SBNO2: variants seen among roughly 807,000 people sequenced by gnomAD.
SBNO2 encodes the protein protein strawberry notch homolog 2.
A neutral mutation model predicts 146.3 loss-of-function variants in SBNO2; 89 were observed. The ratio of observed to expected loss-of-function variants is 0.61; its 90% CI spans 0.51 to 0.73. SBNO2 has a LOEUF of 0.73. Among genes scored for constraint, SBNO2 ranks in the 30% least tolerant of loss-of-function variants. The pLI is 0.00. For missense variants in SBNO2, 2,092 were observed against 2,003.7 expected (o/e 1.04, Z -0.84); for synonymous variants, 1,147 against 892.6 (o/e 1.29, Z -5.08).
At position 1,117,510 on chromosome 19, in the gene SBNO2, A is replaced by C; in HGVS notation, c.1528-11T>G. 5 of 1,567,992 alleles carry C rather than the reference A, an allele frequency of 3.2e-6. No individual in the cohort carries two copies. The highest frequency in any genetic ancestry group is 4.3e-6 in the Non-Finnish European group (5 of 1,158,178). On this transcript the variant is annotated splice_polypyrimidine_tract_variant and intron_variant, in intron 14 of 31. Transcript: ENST00000361757. ...CAGGGCCTCGGCCCACTGCAATGAC[A>C]CGTCACAAGGCGCCCCTGAGCTGTG...
At chr19:1,132,240 G>A in intron 4 of SBNO2, 4 of 1,303,064 alleles carry the variant, frequency 3.1e-6, no homozygotes, top group Middle Eastern at 4.8e-4. Context: ...CGGGGCGGAC[G>A]GGGGCGGCTC....
chr19:1,112,293 G>A lies in SBNO2; in HGVS notation c.2524C>T (p.His842Tyr), dbSNP rs1214105340. The A allele has an allele frequency of 6.3e-7, 1 of 1,584,684 alleles. No individual in the cohort carries two copies. The highest frequency in any genetic ancestry group is 8.6e-7 in the Non-Finnish European group (1 of 1,166,466). ...DRAIQQFGRT[H>Y]RSNQVSAPEY... ...GGCGCGGAGACCTGGTTGGACCGGTGGGTGCGGCCTGGGGGCAGAGCTGCT... is the reference window on the plus strand; with the variant it reads ...GGCGCGGAGACCTGGTTGGACCGGTAGGTGCGGCCTGGGGGCAGAGCTGCT... Residue 842 changes from histidine to tyrosine, a missense_variant, in exon 22 of 32, where the codon CAC becomes TAC. His to Tyr is a moderately conservative substitution (Grantham distance 83). Transcript: ENST00000361757. The surrounding 1 kb of genome is among the most constrained non-coding windows in gnomAD (Gnocchi z 5.9).
chr19:1,147,457 T>C, intron 3 of SBNO2, 37 bp from the exon 4 acceptor site: 1 of 991,420 alleles, frequency 1.0e-6, no homozygotes, highest in Non-Finnish European at 1.4e-6. Flanking sequence ...TGAGATGGGG[T>C]GCTCAACCCA....
At chr19:1,117,201 C>G in intron 15 of SBNO2, 122 bp downstream of exon 15, 1 of 1,048,846 alleles carries the variant, frequency 9.5e-7, no homozygotes, top group East Asian at 2.6e-5. Flanking sequence ...GGGCGTCTCT[C>G]ACCCACCAGG....
chr19:1,115,986 C>CTGGGGGGG, intron 17 of SBNO2, 35 bp downstream of exon 17: 1 of 999,286 alleles, frequency 1.0e-6, no homozygotes, highest in Non-Finnish European at 1.2e-6. Flanking sequence ...AGCAGAGGGG[C>CTGGGGGGG]AGGGGTGGGT....
At chr19:1,145,189 G>A (rs140208049) in intron 4 of SBNO2, among the ~76,000 whole-genome samples, 157 of 151,906 alleles carry the variant, frequency 1.0e-3, no homozygotes, top group African/African-American at 3.3e-3. Context: ...GAGACAGGCC[G>A]GGCACGGTGG....
chr19:1,112,234 C>T lies in SBNO2; in HGVS notation c.2583G>A (p.Gly861=). ...EYVFLISELA[G]ERRFASIVAK... Reference sequence around the variant, plus strand: ...CCACGATGGAGGCGAACCGGCGCTCCCCGGCCAGCTCCGAGATGAGGAAGA... The same window carrying T: ...CCACGATGGAGGCGAACCGGCGCTCTCCGGCCAGCTCCGAGATGAGGAAGA... The change falls in exon 22 of 32, where the codon GGG becomes GGA. Residue 861 remains glycine, a synonymous_variant. Transcript: ENST00000361757. This position sits in a 1 kb window ranked among gnomAD's most constrained non-coding sequence, Gnocchi z 5.9. 6.3e-7 allele frequency: 1 copy of T among 1,591,630 alleles called. No homozygotes were observed. Among genetic ancestry groups the T allele is most frequent in the Non-Finnish European group, 8.6e-7 (1 of 1,169,532 alleles).
At chr19:1,156,135 G>A (rs561450841) in intron 1 of SBNO2, among the ~76,000 whole-genome samples, 2 of 152,232 alleles carry the variant, frequency 1.3e-5, no homozygotes, top group Non-Finnish European at 2.9e-5. Context: ...AGCAGCAGGG[G>A]CCCTGAGCTC....
rs1472756635 is a variant in SBNO2, at chr19:1,126,104, C to T, written c.441+1500G>A. 1.3e-5 allele frequency among the ~76,000 whole-genome samples: 2 copies of T among 152,164 alleles called. No individual in the cohort carries two copies. Among genetic ancestry groups the T allele is most frequent in the East Asian group, 1.9e-4 (1 of 5,196 alleles). ...GTTTCCGCCCAAGCCTGCCTGAGCC[C>T]GGGCCGGGTTCTCGGCAGTGTGTGG... is the stretch of plus-strand genomic sequence containing the variant. On this transcript the variant is annotated intron_variant, in intron 5 of 31. Transcript: ENST00000361757. This position sits in a 1 kb window ranked among gnomAD's most constrained non-coding sequence, Gnocchi z 4.4.
chr19:1,128,915 G>A (rs1187559657), intron 4 of SBNO2, among the ~76,000 whole-genome samples: 1 of 150,734 alleles, frequency 6.6e-6, no homozygotes, highest in Non-Finnish European at 1.5e-5. Context: ...GCTGCAGTGA[G>A]CTGTTACTGC....
chr19:1,172,846 C>T (rs2080494005), intron 1 of SBNO2, among the ~76,000 whole-genome samples: 1 of 150,298 alleles, frequency 6.7e-6, no homozygotes, highest in Non-Finnish European at 1.5e-5. Context: ...GGCACTCTCG[C>T]TGACAGGGCG....
Position 1,112,853 on chromosome 19 carries a change from G to A in SBNO2, c.2344C>T (p.Leu782Phe). 6.3e-7 allele frequency: 1 copy of A among 1,576,246 alleles called. No individual in the cohort carries two copies. The highest frequency in any genetic ancestry group is 8.6e-7 in the Non-Finnish European group (1 of 1,162,618). Residue 782 changes from leucine (L) to phenylalanine (F), a missense_variant, in exon 20 of 32, where the codon CTC (leucine) becomes TTC (phenylalanine). Physicochemically the swap from Leu to Phe is conservative, Grantham distance 22 (BLOSUM62 0). Transcript: ENST00000361757. The surrounding 1 kb of genome is among the most constrained non-coding windows in gnomAD (Gnocchi z 5.9). ...CTCATGAAGCGCTGCTTCTCCCTGA[G>A]GTTCACGTGGTCGATGGACAGACCC... ...EQGLSIDHVN[L>F]REKQRFMSGE... is the part of the protein sequence containing the mutation.
intron 4 of SBNO2, among the ~76,000 whole-genome samples, chr19:1,131,321 C>G (rs557408033): frequency 1.3e-5 from 2 of 152,200 alleles, no homozygotes; most frequent in Admixed American, 6.5e-5. Flanking sequence ...CATCCCTCCC[C>G]GCCAGCCCCC....
intron 5 of SBNO2, among the ~76,000 whole-genome samples, chr19:1,124,407 G>A (rs1198633610): frequency 6.6e-6 from 1 of 152,212 alleles, no homozygotes; most frequent in East Asian, 1.9e-4. Flanking sequence ...GACCCACTGT[G>A]TGCCAGCCCC....
chr19:1,136,422 C>T lies in SBNO2; in HGVS notation c.280-8657G>A, dbSNP rs1019289309. Among the ~76,000 whole-genome samples, 2 of 152,224 alleles carry T rather than the reference C, an allele frequency of 1.3e-5. No individual in the cohort carries two copies. The highest frequency in any genetic ancestry group is 4.8e-5 in the African/African-American group (2 of 41,464). On this transcript the variant is annotated intron_variant, in intron 4 of 31. Transcript: ENST00000361757. This position sits in a 1 kb window ranked among gnomAD's most constrained non-coding sequence, Gnocchi z 4.2. Reference sequence around the variant, plus strand: ...GTGCTGCAGCCGGGCAGGGCCGAACCCTGGCGCACAGCTTCCTGCTGAGTC... The same window carrying T: ...GTGCTGCAGCCGGGCAGGGCCGAACTCTGGCGCACAGCTTCCTGCTGAGTC...
At position 1,150,308 on chromosome 19, in the gene SBNO2, C is replaced by A. The variant is rs1439983962; in HGVS notation, c.94-866G>T. Among the ~76,000 whole-genome samples, 1 of 152,128 alleles carries A rather than the reference C, an allele frequency of 6.6e-6. No individual in the cohort carries two copies. The highest frequency in any genetic ancestry group is 1.5e-5 in the Non-Finnish European group (1 of 67,990). ...CAGCGGGCCCAAGGGCGGCAGCGGG[C>A]CCAGGGTCAGCACCTGCGGCTTCGG... On this transcript the variant is annotated intron_variant, in intron 2 of 31. Transcript: ENST00000361757. The surrounding 1 kb of genome is among the most constrained non-coding windows in gnomAD (Gnocchi z 6.2).
chr19:1,130,074 G>A (rs2080011291), intron 4 of SBNO2, among the ~76,000 whole-genome samples: 1 of 152,144 alleles, frequency 6.6e-6, no homozygotes, highest in South Asian at 2.1e-4. Flanking sequence ...CTGAAACACG[G>A]GCCTCTGAGA....
rs532507073 is a variant in SBNO2 at position 1,147,560 on chromosome 19, C to T, written c.168-140G>A. 9 of 532,010 alleles carry T rather than the reference C, an allele frequency of 1.7e-5. No individual in the cohort carries two copies. The South Asian group carries it at 2.1e-4, about 13-fold the overall frequency. 33.0% of individuals were successfully genotyped at this position (532,010 alleles called of 1,614,324 possible). The stretch of plus-strand genomic sequence containing the variant: ...TGCCCAGCCCGGCAGGACCCATGGC[C>T]CCGCTGCACATACAGAGGGGCCTCC... On this transcript the variant is annotated intron_variant, in intron 3 of 31. Transcript: ENST00000361757.
rs2079700940 is a variant in SBNO2 at position 1,108,418 on chromosome 19, C to T, written c.3903G>A (p.Ala1301=). The part of the protein sequence containing the change: ...LGTPDAQADP[A]ALAHQGCDIN... The stretch of plus-strand genomic sequence containing the variant: ...TGTCGCAGCCCTGGTGCGCGAGGGC[C>T]GCAGGGTCGGCCTGGGCGTCGGGGG... Residue 1301 remains alanine (A), a synonymous_variant, in exon 32 of 32, where the codon GCG becomes GCA. Transcript: ENST00000361757. The T allele has an allele frequency of 1.6e-6, 2 of 1,268,964 alleles. No homozygotes were observed. The highest frequency in any genetic ancestry group is 4.4e-5 in the Admixed American group (1 of 22,522). The allele number at this position is 1,268,964 out of a possible 1,614,324, so 78.6% of individuals were successfully genotyped here.
Sources: gnomAD v4.1 joint callset for allele counts (sites outside exome capture counted in the v4.1 genomes callset) on GRCh38, gnomAD v4.1.1 for gene constraint, Gnocchi (gnomAD v3.1) non-coding constraint, MANE v1.5 for transcripts, NCBI Gene and HGNC (gene_info 2026-07-23, HGNC 2026-07-21) for gene names.